Variants in LIMCH1 observed in about 807,000 individuals in gnomAD.
LIMCH1 encodes the protein LIM and calponin homology domains 1.
In LIMCH1, 113 loss-of-function variants were observed where a neutral mutation model predicts 176.5. The ratio of observed to expected loss-of-function variants is 0.64; its 90% CI spans 0.55 to 0.75. The LOEUF (loss-of-function observed/expected upper bound fraction) is 0.75. Among genes scored for constraint, LIMCH1 ranks in the 30% least tolerant of loss-of-function variants. LIMCH1 has a pLI of 0.00. For synonymous variants in LIMCH1, 619 were observed against 645.9 expected, an observed-to-expected ratio of 0.96 and a Z score of 0.63; for missense variants, 1,674 against 1,814.9, an observed-to-expected ratio of 0.92 and a Z score of 1.41.
In LIMCH1 at chr4:41,616,312, G is replaced by C. The variant is rs953737266; in HGVS notation, c.205+2651G>C. On this transcript the variant is annotated intron_variant, in intron 5 of 31. Coordinates refer to ENST00000503057, the MANE Select transcript of LIMCH1 (RefSeq NM_001330672.2). ...GGAGGCCAAGGTGAGTAGATCACCT[G>C]AGGTCAGGAGTTCAAGACCAGCCTG... is the stretch of plus-strand genomic sequence containing the variant. Among the ~76,000 whole-genome samples the C allele has an allele frequency of 2.6e-5, 4 of 152,110 alleles. No individual in the cohort carries two copies. The East Asian group carries it at 7.8e-4, about 30-fold the overall frequency.
At chr4:41,366,330 G>T (rs1198711367) in intron 1 of LIMCH1, among the ~76,000 whole-genome samples, 1 of 152,142 alleles carries the variant, frequency 6.6e-6, no homozygotes, top group East Asian at 1.9e-4. Flanking sequence ...GACAGAATCA[G>T]TTAACACTGG....
At chr4:41,603,445 G>T (rs994437420) in intron 2 of LIMCH1, among the ~76,000 whole-genome samples, 1 of 152,068 alleles carries the variant, frequency 6.6e-6, no homozygotes, top group African/African-American at 2.4e-5. Context: ...CATATTTTCA[G>T]GTCTGTCTAA....
chr4:41,549,772 C>G (rs555908705), intron 1 of LIMCH1, among the ~76,000 whole-genome samples: 1 of 152,064 alleles, frequency 6.6e-6, no homozygotes, highest in African/African-American at 2.4e-5. Context: ...CTTTTGCTTT[C>G]TGTTCATTAA....
At chr4:41,639,623 T>C (rs1373579246) in intron 14 of LIMCH1, among the ~76,000 whole-genome samples, 1 of 152,120 alleles carries the variant, frequency 6.6e-6, no homozygotes, top group Admixed American at 6.6e-5. Flanking sequence ...TTGAGAAGAC[T>C]CCAAACCCTC....
At chr4:41,676,325 G>C in intron 22 of LIMCH1, 57 bp from the exon 23 acceptor site, 4 of 1,417,716 alleles carry the variant, frequency 2.8e-6, no homozygotes, top group Non-Finnish European at 3.0e-6. Context: ...CTCTTCACCC[G>C]GCCTGTCCCT....
chr4:41,531,899 C>T (rs1459954565), intron 3 of LIMCH1, among the ~76,000 whole-genome samples: 1 of 152,124 alleles, frequency 6.6e-6, no homozygotes, highest in African/African-American at 2.4e-5. Context: ...AAACTGGTAG[C>T]CAAGCGATGT....
intron 13 of LIMCH1, among the ~76,000 whole-genome samples, chr4:41,635,880 C>T (rs1283632373): frequency 4.6e-5 from 7 of 152,060 alleles, no homozygotes; most frequent in Non-Finnish European, 1.0e-4. Context: ...TAGGCTATTC[C>T]CTTTATCTTT....
At chr4:41,475,624 C>T (rs2067605582) in intron 1 of LIMCH1, among the ~76,000 whole-genome samples, 2 of 151,760 alleles carry the variant, frequency 1.3e-5, no homozygotes, top group South Asian at 2.1e-4. Flanking sequence ...GGTCATTTCT[C>T]AGGATGACTT....
chr4:41,446,954 G>A (rs1220521147), intron 1 of LIMCH1, among the ~76,000 whole-genome samples: 1 of 152,168 alleles, frequency 6.6e-6, no homozygotes, highest in Non-Finnish European at 1.5e-5. Flanking sequence ...GCCAGGTGTG[G>A]TGGCTCATGC....
At chr4:41,608,954 T>G (rs1190603009) in intron 4 of LIMCH1, among the ~76,000 whole-genome samples, 1 of 152,184 alleles carries the variant, frequency 6.6e-6, no homozygotes, top group African/African-American at 2.4e-5. Context: ...CCAGGATTAC[T>G]TGCTTCTAGC....
chr4:41,452,621 C>A (rs566928225), intron 1 of LIMCH1, among the ~76,000 whole-genome samples: 1 of 152,198 alleles, frequency 6.6e-6, no homozygotes, highest in African/African-American at 2.4e-5. Context: ...AGTCTGTAGA[C>A]TCTAAGAGGC....
intron 1 of LIMCH1, among the ~76,000 whole-genome samples, chr4:41,578,685 C>CTTCTT (rs1165651162): frequency 6.6e-6 from 1 of 151,794 alleles, no homozygotes; most frequent in African/African-American, 2.4e-5. Flanking sequence ...ATTAGTATTT[C>CTTCTT]TTCTTTTCTT....
intron 5 of LIMCH1, 64 bp downstream of exon 5, chr4:41,613,725 C>T: frequency 7.0e-7 from 1 of 1,427,634 alleles, no homozygotes; most frequent in Non-Finnish European, 9.8e-7. Context: ...CTGCATTGCG[C>T]CTGGCAGAGG....
At chr4:41,412,051 C>A (rs987881425) in intron 1 of LIMCH1, among the ~76,000 whole-genome samples, 1 of 146,350 alleles carries the variant, frequency 6.8e-6, no homozygotes, top group Admixed American at 6.8e-5. Context: ...TTTTTAAAAA[C>A]CAGCCTCATT....
At chr4:41,662,795 C>T (rs768193081) in intron 19 of LIMCH1, 26 bp from the exon 20 acceptor site, 8 of 1,548,270 alleles carry the variant, frequency 5.2e-6, no homozygotes, top group Admixed American at 2.0e-5. Context: ...TCCTTCTGTA[C>T]GTTTCTGGAT....
upstream of LIMCH1, among the ~76,000 whole-genome samples, chr4:41,533,529 C>CT (rs1416354349): frequency 6.6e-6 from 1 of 152,136 alleles, no homozygotes; most frequent in African/African-American, 2.4e-5. Context: ...CATCCAAGGA[C>CT]TTTTTTCTAA....
chr4:41,476,393 G>A (rs2067747398), intron 1 of LIMCH1, among the ~76,000 whole-genome samples: 1 of 152,170 alleles, frequency 6.6e-6, no homozygotes, highest in Admixed American at 6.5e-5. Flanking sequence ...CATTGCTGTG[G>A]GCGTTGTTCG....
At chr4:41,645,382 A>G (rs1250023684) in intron 15 of LIMCH1, among the ~76,000 whole-genome samples, 2 of 152,248 alleles carry the variant, frequency 1.3e-5, no homozygotes, top group South Asian at 2.1e-4. Flanking sequence ...AGCACTTACT[A>G]TGTGCCTGGC....
intron 1 of LIMCH1, among the ~76,000 whole-genome samples, chr4:41,483,919 A>G (rs2154169005): frequency 6.6e-6 from 1 of 152,380 alleles, no homozygotes; most frequent in East Asian, 1.9e-4. Flanking sequence ...CTGTAGGCAC[A>G]TTCCCTGGGT....
Sources: gnomAD v4.1 joint callset for allele counts (sites outside exome capture counted in the v4.1 genomes callset) on GRCh38, gnomAD v4.1.1 for gene constraint, MANE v1.5 for transcripts, NCBI Gene and HGNC (gene_info 2026-07-23, HGNC 2026-07-21) for gene names.